TAF11L11: variants seen among roughly 807,000 people sequenced by gnomAD.
The protein encoded by TAF11L11 is TATA-box-binding protein-associated factor 11-like protein 11.
the TAF11L11 span, chr5:17,605,178 C>A: frequency 3.3e-5 from 13 of 395,362 alleles, 1 homozygote; most frequent in Non-Finnish European, 4.5e-5. Context: ...ACTGGCAGAT[C>A]GGTGTCTGAG....
exon 1 of TAF11L11, chr5:17,605,102 C>G (rs1335456687): frequency 5.1e-6 from 2 of 394,838 alleles, no homozygotes; most frequent in East Asian, 7.2e-5. Flanking sequence ...GCAGCTATCT[C>G]GCTACGAAGT....
At chr5:17,605,090 G>A (rs1229983555) in exon 1 of TAF11L11, 3 of 394,668 alleles carry the variant, frequency 7.6e-6, no homozygotes, top group Non-Finnish European at 1.3e-5. Flanking sequence ...CATGTCTGAG[G>A]AGCAGCTATC....
chr5:17,605,199 T>C (rs569360131), exon 1 of TAF11L11: 1 of 395,488 alleles, frequency 2.5e-6, no homozygotes, highest in African/African-American at 2.1e-5. Context: ...AACACCGCCA[T>C]TGCCATGGCT....
chr5:17,604,609 T>C lies in TAF11L11; in HGVS notation c.-172T>C, dbSNP rs62350315. Reference sequence around the variant, plus strand: ...TGAGAACATTCAGTGTGTGTGTTTGTGTGTGGGAAGGGGAGGCAGGGGGCT... The same window carrying C: ...TGAGAACATTCAGTGTGTGTGTTTGCGTGTGGGAAGGGGAGGCAGGGGGCT... On this transcript the variant is annotated 5_prime_UTR_variant, in exon 1 of 1. Transcript: ENST00000510838. 1.1e-4 allele frequency: 35 copies of C among 314,610 alleles called. 2 individuals are homozygous for C. Among genetic ancestry groups the C allele is most frequent in the East Asian group, 3.5e-4 (7 of 20,188 alleles). 19.5% of individuals were successfully genotyped at this position (314,610 alleles called of 1,614,324 possible). A position where few individuals can be genotyped will look rare whatever the true frequency, so the allele number is the denominator to read the frequency against.
chr5:17,605,308 G>T lies in TAF11L11; in HGVS notation c.528G>T (p.Arg176=). 2 of 394,278 alleles carry T rather than the reference G, an allele frequency of 5.1e-6. 1 individual carries two copies. The highest frequency in any genetic ancestry group is 4.1e-5 in the African/African-American group (2 of 48,338). The allele number at this position is 394,278 out of a possible 1,614,324, so 24.4% of individuals were successfully genotyped here. ...CCCCGCTGCAGCCCAAGCATTTACGGGAGGCTGTTCGCAGGTTAAAGCCCA... is the reference window on the plus strand; with the variant it reads ...CCCCGCTGCAGCCCAAGCATTTACGTGAGGCTGTTCGCAGGTTAAAGCCCA... Residue 176 remains arginine (R), a synonymous_variant, in exon 1 of 1, where the codon CGG becomes CGT. Transcript: ENST00000510838.
chr5:17,605,760 A>G (rs77317984), downstream of TAF11L11, among the ~76,000 whole-genome samples: 1 of 151,416 alleles, frequency 6.6e-6, no homozygotes, highest in Admixed American at 6.6e-5. Flanking sequence ...GTATGCTTAT[A>G]TCTGGGTTTC....
At chr5:17,604,802 G>C (rs1739131870) in exon 1 of TAF11L11, 1 of 387,272 alleles carries the variant, frequency 2.6e-6, no homozygotes, top group Non-Finnish European at 4.6e-6. Flanking sequence ...CAGGCAAAGA[G>C]ATGCCTCTGC....
downstream of TAF11L11, among the ~76,000 whole-genome samples, chr5:17,605,776 T>C (rs78257819): frequency 1.3e-5 from 2 of 151,506 alleles, no homozygotes; most frequent in East Asian, 1.9e-4. Context: ...GTTTCAGTAA[T>C]TGAAGCTTCC....
At chr5:17,604,820 T>C (rs1739132471) in exon 1 of TAF11L11, 2 of 388,068 alleles carry the variant, frequency 5.2e-6, no homozygotes, top group African/African-American at 2.1e-5. Flanking sequence ...TGCTGAGATG[T>C]TCCCCATGCC....
chr5:17,604,552 C>T (rs1739125660), exon 1 of TAF11L11: 2 of 257,030 alleles, frequency 7.8e-6, no homozygotes, highest in Non-Finnish European at 7.3e-6. Context: ...CTAATATACT[C>T]TCCATCCACA....
At chr5:17,605,319 G>T (rs1276986165) in exon 1 of TAF11L11, 4 of 394,032 alleles carry the variant, frequency 1.0e-5, no homozygotes, top group East Asian at 3.6e-5. Context: ...GAGGCTGTTC[G>T]CAGGTTAAAG....
rs1198286285 is a variant in TAF11L11 at position 17,604,568 on chromosome 5, C to T, written c.-213C>T. 1.4e-5 allele frequency: 4 copies of T among 278,154 alleles called. No homozygotes were observed. In the East Asian group the frequency reaches 1.9e-4, roughly 13 times the overall value. 17.2% of individuals were successfully genotyped at this position (278,154 alleles called of 1,614,324 possible). On this transcript the variant is annotated 5_prime_UTR_variant, in exon 1 of 1. Transcript: ENST00000510838. ...TAATATACTCTCCATCCACAAGTTT[C>T]TTCACATTGTGGAAGTGAGAACATT... is the stretch of plus-strand genomic sequence containing the variant.
At chr5:17,605,041 T>G in exon 1 of TAF11L11, 1 of 394,366 alleles carries the variant, frequency 2.5e-6, no homozygotes, top group Non-Finnish European at 4.5e-6. Context: ...CCACCATGGA[T>G]GCAGAGGAGG....
rs200932952 is a variant in TAF11L11, at chr5:17,605,230, G to T, written c.450G>T (p.Val150=). The change falls in exon 1 of 1, where the codon GTG becomes GTT. Residue 150 remains valine (V), a synonymous_variant. Coordinates refer to ENST00000510838, the Ensembl canonical transcript of TAF11L11. ...TGGCTGGAATAGCCAAGGTCTTTGT[G>T]GGAGAGGTGGTGGAAGAGGCCCTGG... The T allele has an allele frequency of 1.6e-4, 62 of 395,504 alleles. 1 individual carries two copies. Among genetic ancestry groups the T allele is most frequent in the Admixed American group, 7.5e-4 (17 of 22,558 alleles). 24.5% of individuals were successfully genotyped at this position (395,504 alleles called of 1,614,324 possible).
chr5:17,605,855 C>T (rs1427673134), downstream of TAF11L11, among the ~76,000 whole-genome samples: 1 of 151,358 alleles, frequency 6.6e-6, no homozygotes, highest in Non-Finnish European at 1.5e-5. Flanking sequence ...TGAGTCATCA[C>T]AAAAGCAGTT....
chr5:17,604,966 A>T, exon 1 of TAF11L11: 1 of 393,040 alleles, frequency 2.5e-6, no homozygotes. Flanking sequence ...ATGAAGCGTC[A>T]GCCTCAACTC....
downstream of TAF11L11, among the ~76,000 whole-genome samples, chr5:17,605,868 A>T (rs547780548): frequency 1.1e-4 from 17 of 151,462 alleles, no homozygotes; most frequent in Non-Finnish European, 2.5e-4. Flanking sequence ...AAGCAGTTAA[A>T]CTGTTTTCCA....
chr5:17,605,117 C>A (rs561236457), exon 1 of TAF11L11: 3 of 395,112 alleles, frequency 7.6e-6, no homozygotes, highest in African/African-American at 4.1e-5. Context: ...CGAAGTGTGT[C>A]GCCGGTCAGC....
rs78156528 is a variant in TAF11L11 at position 17,604,803 on chromosome 5, A to G, written c.23A>G (p.Asp8Gly). The G allele has an allele frequency of 9.0e-4, 348 of 386,988 alleles. 8 individuals carry two copies. Among genetic ancestry groups the G allele is most frequent in the Non-Finnish European group, 1.3e-3 (276 of 218,738 alleles). 24.0% of individuals were successfully genotyped at this position (386,988 alleles called of 1,614,324 possible). Reference sequence around the variant, plus strand: ...CCCATGGAGACAGGCAGGCAAAGAGATGCCTCTGCTGAGATGTTCCCCATG... The same window carrying G: ...CCCATGGAGACAGGCAGGCAAAGAGGTGCCTCTGCTGAGATGTTCCCCATG... Residue 8 changes from aspartate to glycine, a missense_variant, in exon 1 of 1, where the codon GAT becomes GGT. Coordinates refer to ENST00000510838, the Ensembl canonical transcript of TAF11L11.
Sources: gnomAD v4.1 joint callset for allele counts (sites outside exome capture counted in the v4.1 genomes callset) on GRCh38, gnomAD v4.1.1 for gene constraint, MANE v1.5 for transcripts, NCBI Gene and HGNC (gene_info 2026-07-23, HGNC 2026-07-21) for gene names.